The following DPYSL5 variants were observed in gnomAD, a reference collection of about 807,000 sequenced individuals.
The protein encoded by DPYSL5 is dihydropyrimidinase like 5, also known as dihydropyrimidinase-related protein 5.
DPYSL5 carries 9 observed loss-of-function variants against 58.4 expected under a neutral mutation model. The ratio of observed to expected loss-of-function variants is 0.15; its 90% CI spans 0.09 to 0.27. DPYSL5 has a LOEUF of 0.27. Among genes scored for constraint, DPYSL5 ranks in the 10% least tolerant of loss-of-function variants. The pLI is 1.00. For missense variants in DPYSL5, 499 were observed against 770.6 expected (o/e 0.65, Z 4.17); for synonymous variants, 293 against 301.9 (o/e 0.97, Z 0.31).
chr2:26,873,168 T>C (rs1663315841), intron 1 of DPYSL5, among the ~76,000 whole-genome samples: 6 of 152,258 alleles, frequency 3.9e-5, no homozygotes, highest in Admixed American at 3.9e-4. Context: ...TTGTTGTTTT[T>C]AAATCAACAT....
At chr2:26,940,954 T>TG (rs34493296) in intron 9 of DPYSL5, among the ~76,000 whole-genome samples, 7 of 41,912 alleles carry the variant, frequency 1.7e-4, no homozygotes, top group Admixed American at 6.0e-4. Flanking sequence ...TTTTTTTGTG[T>TG]GTGATAGAAT....
In DPYSL5 at chr2:26,898,381, C is replaced by T; in HGVS notation, c.-4-115C>T. Reference sequence around the variant, plus strand: ...TCCCGCTGGCTGTAGGGGAAAGTTCCTCCTCTTCTCTGCTCACTTACCCTG... The same window carrying T: ...TCCCGCTGGCTGTAGGGGAAAGTTCTTCCTCTTCTCTGCTCACTTACCCTG... On this transcript the variant is annotated intron_variant, in intron 1 of 12. Coordinates refer to ENST00000288699, the MANE Select transcript of DPYSL5 (RefSeq NM_020134.4). This position sits in a 1 kb window ranked among gnomAD's most constrained non-coding sequence, Gnocchi z 6.1. 1 of 1,441,218 alleles carries T rather than the reference C, an allele frequency of 6.9e-7. No individual in the cohort carries two copies. Among genetic ancestry groups the T allele is most frequent in the Non-Finnish European group, 9.4e-7 (1 of 1,061,762 alleles). 89.3% of individuals were successfully genotyped at this position (1,441,218 alleles called of 1,614,324 possible).
chr2:26,932,166 A>AGAAT (rs1306487898), intron 6 of DPYSL5, among the ~76,000 whole-genome samples: 5 of 65,884 alleles, frequency 7.6e-5, no homozygotes, highest in Non-Finnish European at 1.6e-4. Flanking sequence ...AAAGAAAGAA[A>AGAAT]GAAAGAAAGA....
At position 26,942,873 on chromosome 2, in the gene DPYSL5, C is replaced by A. The variant is rs1456841470; in HGVS notation, c.1440+123C>A. The A allele has an allele frequency of 3.5e-6, 4 of 1,148,570 alleles. No individual in the cohort carries two copies. The Admixed American group carries it at 9.2e-5, about 26-fold the overall frequency. The allele number at this position is 1,148,570 out of a possible 1,614,324, so 71.1% of individuals were successfully genotyped here. On this transcript the variant is annotated intron_variant, in intron 11 of 12. Transcript: ENST00000288699. This position sits in a 1 kb window ranked among gnomAD's most constrained non-coding sequence, Gnocchi z 5.9. ...TTTCGACCCAATTCCATTGCACTTT[C>A]TCCAGCGTTGAGAGGGGAGTGTGCG...
rs1167670191 is a variant in DPYSL5 at position 26,941,939 on chromosome 2, C to T, written c.1090-11C>T. On this transcript the variant is annotated splice_polypyrimidine_tract_variant and intron_variant, in intron 9 of 12. Transcript: ENST00000288699. ...AGCCTGGTTGACTTGACACTTTCTG[C>T]AACATTTCAGGTTGGAGGAAAGATG... 5.6e-6 allele frequency: 9 copies of T among 1,614,060 alleles called. 2 individuals carry two copies. In the Admixed American group the frequency reaches 1.3e-4, roughly 24 times the overall value.
chr2:26,861,471 G>A (rs898733298), intron 1 of DPYSL5, among the ~76,000 whole-genome samples: 6 of 152,178 alleles, frequency 3.9e-5, no homozygotes, highest in Non-Finnish European at 8.8e-5. Flanking sequence ...TGTCATCATA[G>A]GATATTGGGT....
At chr2:26,868,488 C>G (rs757853775) in intron 1 of DPYSL5, among the ~76,000 whole-genome samples, 1 of 152,086 alleles carries the variant, frequency 6.6e-6, no homozygotes, top group Non-Finnish European at 1.5e-5. Flanking sequence ...TAAATAAATT[C>G]CAGATGGATT....
rs758953762 is a variant in DPYSL5 at position 26,941,973 on chromosome 2, C to T, written c.1113C>T (p.Asn371=). The T allele has an allele frequency of 1.2e-6, 2 of 1,614,200 alleles. No homozygotes were observed. Among genetic ancestry groups the T allele is most frequent in the Non-Finnish European group, 1.7e-6 (2 of 1,180,044 alleles). ...RGVVGGKMDE[N]RFVAVTSSNA... ...AGGTTGGAGGAAAGATGGATGAGAA[C>T]CGTTTTGTGGCCGTTACCAGTTCCA... Residue 371 remains asparagine, a synonymous_variant, in exon 10 of 13, where the codon AAC becomes AAT. Coordinates refer to ENST00000288699, the MANE Select transcript of DPYSL5 (RefSeq NM_020134.4).
rs920436 is a variant in DPYSL5, at chr2:26,934,532, A to G, written c.791-46A>G. 0.99 allele frequency: 1,581,071 copies of G among 1,590,232 alleles called. 786,418 individuals carry two copies. The highest frequency in any genetic ancestry group is 1 in the East Asian group (44,550 of 44,550). On this transcript the variant is annotated intron_variant, in intron 7 of 12. Transcript: ENST00000288699. This position sits in a 1 kb window ranked among gnomAD's most constrained non-coding sequence, Gnocchi z 4.3. ...GAGAGGCACACACCAGCGATCGCTC[A>G]GGTTCGGTGGCTTCCTGGTTATGGT...
chr2:26,903,996 C>T (rs1301023030), intron 2 of DPYSL5, among the ~76,000 whole-genome samples: 1 of 152,222 alleles, frequency 6.6e-6, no homozygotes, highest in Admixed American at 6.5e-5. Context: ...GTCCCAGAGA[C>T]AGCTTCCCAC....
At chr2:26,910,124 T>C (rs1427152720) in intron 2 of DPYSL5, among the ~76,000 whole-genome samples, 2 of 152,220 alleles carry the variant, frequency 1.3e-5, no homozygotes, top group Non-Finnish European at 2.9e-5. Flanking sequence ...TGCATTCCTT[T>C]TTTTGTCTGG....
In DPYSL5 at chr2:26,927,374, G is replaced by T. The variant is rs1284218365; in HGVS notation, c.542G>T (p.Cys181Phe). The stretch of plus-strand genomic sequence containing the variant: ...GAGCTGTACCAAGTGTTGCACGCTT[G>T]CAAGGACATTGGGGCAATCGCCCGC... The part of the protein sequence containing the change: ...DSELYQVLHA[C>F]KDIGAIARVH... Residue 181 changes from cysteine to phenylalanine, a missense_variant, in exon 4 of 13, where the codon TGC becomes TTC. Around this residue, in one of 3 missense-constraint regions of DPYSL5, gnomAD observed 404 missense variants for 647.6 expected, o/e 0.62. Transcript: ENST00000288699. The surrounding 1 kb of genome is among the most constrained non-coding windows in gnomAD (Gnocchi z 4.3). 6.2e-7 allele frequency: 1 copy of T among 1,614,236 alleles called. No individual in the cohort carries two copies. Among genetic ancestry groups the T allele is most frequent in the South Asian group, 1.1e-5 (1 of 91,086 alleles).
Position 26,902,630 on chromosome 2 carries a change from C to T in DPYSL5, c.261+3870C>T, listed in dbSNP as rs143915255. Among the ~76,000 whole-genome samples the T allele has an allele frequency of 5.1e-3, 771 of 152,226 alleles. 10 individuals carry two copies. Among genetic ancestry groups the T allele is most frequent in the African/African-American group, 0.018 (743 of 41,520 alleles). On this transcript the variant is annotated intron_variant, in intron 2 of 12. Transcript: ENST00000288699. ...CAAATTACATCAGAACTGTCAGAGA[C>T]GTGTGAACCAGAGCAGCTCCATCTT... is the stretch of plus-strand genomic sequence containing the variant.
rs1665347708 is a variant in DPYSL5, at chr2:26,942,437, C to G, written c.1233-106C>G. 1 of 1,287,568 alleles carries G rather than the reference C, an allele frequency of 7.8e-7. No individual in the cohort carries two copies. The highest frequency in any genetic ancestry group is 1.1e-6 in the Non-Finnish European group (1 of 927,096). 79.8% of individuals were successfully genotyped at this position (1,287,568 alleles called of 1,614,324 possible). On this transcript the variant is annotated intron_variant, in intron 10 of 12. Coordinates refer to ENST00000288699, the MANE Select transcript of DPYSL5 (RefSeq NM_020134.4). The surrounding 1 kb of genome is among the most constrained non-coding windows in gnomAD (Gnocchi z 5.9). ...TCAGCAGAAGAATTTTGAAGGGAGC[C>G]AATTCAACCCATAACAACCAGCCTT... is the stretch of plus-strand genomic sequence containing the variant.
At chr2:26,892,812 G>A (rs889629182) in intron 1 of DPYSL5, among the ~76,000 whole-genome samples, 5 of 142,564 alleles carry the variant, frequency 3.5e-5, no homozygotes, top group Middle Eastern at 7.9e-3. Flanking sequence ...TCAGACTTCT[G>A]GGCTTCCTGT....
chr2:26,896,906 A>C lies in DPYSL5; in HGVS notation c.-4-1590A>C, dbSNP rs111995202. Among the ~76,000 whole-genome samples the C allele has an allele frequency of 2.0e-5, 3 of 152,078 alleles. No individual in the cohort carries two copies. The East Asian group carries it at 5.8e-4, about 29-fold the overall frequency. Reference sequence around the variant, plus strand: ...GACGCAATCCCATTTGTCTATCTTTACTTTTGTTGTCTGTGCCTATACATG... The same window carrying C: ...GACGCAATCCCATTTGTCTATCTTTCCTTTTGTTGTCTGTGCCTATACATG... On this transcript the variant is annotated intron_variant, in intron 1 of 12. Coordinates refer to ENST00000288699, the MANE Select transcript of DPYSL5 (RefSeq NM_020134.4).
intron 1 of DPYSL5, among the ~76,000 whole-genome samples, chr2:26,884,362 C>T (rs1663654987): frequency 6.6e-6 from 1 of 152,124 alleles, no homozygotes; most frequent in African/African-American, 2.4e-5. Context: ...CCTCAGCCTG[C>T]CCAGGCCTCA....
At chr2:26,902,266 T>C (rs1664178069) in intron 2 of DPYSL5, among the ~76,000 whole-genome samples, 1 of 152,050 alleles carries the variant, frequency 6.6e-6, no homozygotes, top group Admixed American at 6.6e-5. Context: ...TTATTATTAT[T>C]CTGCTTAAGT....
intron 1 of DPYSL5, among the ~76,000 whole-genome samples, chr2:26,855,855 G>A (rs150341945): frequency 8.0e-4 from 121 of 152,034 alleles, no homozygotes; most frequent in African/African-American, 2.7e-3. Flanking sequence ...TTTTTACTTC[G>A]GATTTCTGAC....
Sources: gnomAD v4.1 joint callset for allele counts (sites outside exome capture counted in the v4.1 genomes callset) on GRCh38, gnomAD v4.1.1 for gene constraint, gnomAD v4.1.1 regional missense constraint, Gnocchi (gnomAD v3.1) non-coding constraint, MANE v1.5 for transcripts, NCBI Gene and HGNC (gene_info 2026-07-23, HGNC 2026-07-21) for gene names.